The following SLC16A6 variants were observed in gnomAD, a reference collection of about 807,000 sequenced individuals.
The protein encoded by SLC16A6 is solute carrier family 16 member 6.
SLC16A6 carries 15 observed loss-of-function variants against 33.8 expected under a neutral mutation model. The ratio of observed to expected loss-of-function variants is 0.44; its 90% CI spans 0.30 to 0.68. SLC16A6 has a LOEUF of 0.68. SLC16A6 is among the 30% of genes least tolerant of loss of function. The pLI is 0.10. For synonymous variants in SLC16A6, 219 were observed against 248.4 expected (o/e 0.88, Z 1.11); for missense variants, 451 against 661.5 (o/e 0.68, Z 3.49).
chr17:68,276,392 A>AT (rs1248917838), intron 2 of SLC16A6, among the ~76,000 whole-genome samples: 1 of 152,222 alleles, frequency 6.6e-6, no homozygotes, highest in Admixed American at 6.5e-5. Flanking sequence ...TAACAGTTCC[A>AT]TGACAGTGTG....
chr17:68,276,928 G>A (rs551468838), intron 2 of SLC16A6, among the ~76,000 whole-genome samples: 1 of 152,272 alleles, frequency 6.6e-6, no homozygotes, highest in South Asian at 2.1e-4. Context: ...TTTATTTTAT[G>A]CGATTGGGTC....
At chr17:68,276,649 T>C (rs782732300) in intron 2 of SLC16A6, among the ~76,000 whole-genome samples, 1 of 152,152 alleles carries the variant, frequency 6.6e-6, no homozygotes, top group Non-Finnish European at 1.5e-5. Context: ...AGATGGAGTC[T>C]TGCTATGTTG....
intron 4 of SLC16A6, among the ~76,000 whole-genome samples, chr17:68,272,150 C>T (rs2075362760): frequency 6.6e-6 from 1 of 152,084 alleles, no homozygotes; most frequent in Non-Finnish European, 1.5e-5. Context: ...GTTGGCCAGG[C>T]TGGTCTCGAT....
chr17:68,281,141 AG>A (rs1293930202), intron 1 of SLC16A6, among the ~76,000 whole-genome samples: 4 of 151,706 alleles, frequency 2.6e-5, no homozygotes, highest in Non-Finnish European at 4.4e-5. Context: ...AAAAAAAAAA[AG>A]AATGAAAAGA....
At chr17:68,285,046 G>C (rs1467390023) in intron 1 of SLC16A6, among the ~76,000 whole-genome samples, 1 of 152,178 alleles carries the variant, frequency 6.6e-6, no homozygotes, top group African/African-American at 2.4e-5. Flanking sequence ...AAGACCAAGA[G>C]ATGGTCTCTG....
intron 2 of SLC16A6, among the ~76,000 whole-genome samples, chr17:68,274,788 T>C (rs2075458007): frequency 6.6e-6 from 1 of 151,768 alleles, no homozygotes; most frequent in Non-Finnish European, 1.5e-5. Flanking sequence ...TTCTTTCTTT[T>C]TTTTTTTTTG....
At position 68,273,646 on chromosome 17, in the gene SLC16A6, C is replaced by G. The variant is rs117167859; in HGVS notation, c.376+281G>C. On this transcript the variant is annotated intron_variant, in intron 3 of 5. Coordinates refer to ENST00000580666, the MANE Select transcript of SLC16A6 (RefSeq NM_004694.5). ...ATACTGGCTACAGAAATTCGTCTTA[C>G]TTTGTAAAAATGCTATCTTTTGGCT... is the stretch of plus-strand genomic sequence containing the variant. Among the ~76,000 whole-genome samples, 267 of 152,220 alleles carry G rather than the reference C, an allele frequency of 1.8e-3. 10 individuals carry two copies. The East Asian group carries it at 0.043, about 24-fold the overall frequency.
At chr17:68,273,613 T>C (rs1368500596) in intron 3 of SLC16A6, among the ~76,000 whole-genome samples, 2 of 152,184 alleles carry the variant, frequency 1.3e-5, no homozygotes, top group African/African-American at 4.8e-5. Flanking sequence ...CAGACACTGA[T>C]GTGAGAAATA....
rs1555749324 is a variant in SLC16A6 at position 68,272,620 on chromosome 17, G to C, written c.505+19C>G. The C allele has an allele frequency of 6.2e-7, 1 of 1,612,416 alleles. No homozygotes were observed. The highest frequency in any genetic ancestry group is 8.5e-7 in the Non-Finnish European group (1 of 1,178,688). Reference sequence around the variant, plus strand: ...GTCTCTCATCCACATTCATACTTAGGCTGTTGTAGTCCACCTACCTGGTGC... The same window carrying C: ...GTCTCTCATCCACATTCATACTTAGCCTGTTGTAGTCCACCTACCTGGTGC... On this transcript the variant is annotated intron_variant, in intron 4 of 5. Transcript: ENST00000580666.
chr17:68,272,871 A>T, intron 3 of SLC16A6, 104 bp from the exon 4 acceptor site: 1 of 1,388,992 alleles, frequency 7.2e-7, no homozygotes, highest in South Asian at 1.2e-5. Flanking sequence ...TTTGAATCTT[A>T]AGTTCTAGGA....
chr17:68,288,130 G>A (rs2075885969), intron 1 of SLC16A6, among the ~76,000 whole-genome samples: 1 of 151,250 alleles, frequency 6.6e-6, no homozygotes, highest in Non-Finnish European at 1.5e-5. Context: ...CTGAGTAGTT[G>A]GGATTAAAGG....
chr17:68,273,845 T>C, intron 3 of SLC16A6, 82 bp downstream of exon 3: 2 of 1,474,436 alleles, frequency 1.4e-6, no homozygotes, highest in South Asian at 1.2e-5. Context: ...GAAATATAGT[T>C]TGGCTTTAAT....
chr17:68,278,060 G>A lies in SLC16A6; in HGVS notation c.232+29C>T, dbSNP rs369400870. 67 of 1,529,810 alleles carry A rather than the reference G, an allele frequency of 4.4e-5. No homozygotes were observed. In the Admixed American group the frequency reaches 7.6e-4, roughly 17 times the overall value. The allele number at this position is 1,529,810 out of a possible 1,614,324, so 94.8% of individuals were successfully genotyped here. ...CAAATTAAAAGGGCCCTATACTTAC[G>A]TCATGGTTAGGCCGAAAGATGTACT... On this transcript the variant is annotated intron_variant, in intron 2 of 5. Transcript: ENST00000580666.
At chr17:68,273,837 A>G in intron 3 of SLC16A6, 90 bp downstream of exon 3, 3 of 1,445,742 alleles carry the variant, frequency 2.1e-6, no homozygotes, top group Non-Finnish European at 2.8e-6. Flanking sequence ...AAGAGAAAGA[A>G]ATATAGTTTG....
chr17:68,272,548 A>G (rs1465988239), intron 4 of SLC16A6, 91 bp downstream of exon 4: 1 of 1,452,122 alleles, frequency 6.9e-7, no homozygotes, highest in Middle Eastern at 2.3e-4. Flanking sequence ...ACTGAAAGTC[A>G]TCCATACTGT....
At position 68,269,049 on chromosome 17, in the gene SLC16A6, C is replaced by G. The variant is rs1555747480; in HGVS notation, c.*47G>C. 1 of 1,589,718 alleles carries G rather than the reference C, an allele frequency of 6.3e-7. No individual in the cohort carries two copies. On this transcript the variant is annotated 3_prime_UTR_variant, in exon 6 of 6. Coordinates refer to ENST00000580666, the MANE Select transcript of SLC16A6 (RefSeq NM_004694.5). Reference sequence around the variant, plus strand: ...TCCTTGTGTCCCCGTTGGGCCCACCCCATCCCTCTCCAGCCAACACAGTGG... The same window carrying G: ...TCCTTGTGTCCCCGTTGGGCCCACCGCATCCCTCTCCAGCCAACACAGTGG...
chr17:68,273,889 G>A (rs552454733), intron 3 of SLC16A6, 38 bp downstream of exon 3: 1 of 1,599,358 alleles, frequency 6.3e-7, no homozygotes, highest in Non-Finnish European at 8.5e-7. Flanking sequence ...TTCAAACTAA[G>A]TGTCTAGACA....
In SLC16A6 at chr17:68,278,258, T is replaced by A; in HGVS notation, c.63A>T (p.Gly21=). 1 of 1,614,198 alleles carries A rather than the reference T, an allele frequency of 6.2e-7. No homozygotes were observed. The highest frequency in any genetic ancestry group is 8.5e-7 in the Non-Finnish European group (1 of 1,180,022). ...KANVYTEVPD[G]GWGWAVAVSF... ...AAACAGCTACCGCCCAGCCCCATCCTCCATCAGGCACTTCAGTATACACAT... is the reference window on the plus strand; with the variant it reads ...AAACAGCTACCGCCCAGCCCCATCCACCATCAGGCACTTCAGTATACACAT... The change falls in exon 2 of 6, where the codon GGA becomes GGT. Residue 21 remains glycine (G), a synonymous_variant. Transcript: ENST00000580666.
In SLC16A6 at chr17:68,271,276, A is replaced by G; in HGVS notation, c.884T>C (p.Ile295Thr). Residue 295 changes from isoleucine (I) to threonine (T), a missense_variant, in exon 5 of 6, where the codon ATT becomes ACT. Transcript: ENST00000580666. This position sits in a 1 kb window ranked among gnomAD's most constrained non-coding sequence, Gnocchi z 5.3. ...AAAGAGACCAAATAATGCATAACAA[A>G]TAAAACTTTTCTCTTTCAAAATGGA... ...DFSILKEKSF[I>T]CYALFGLFAT... The G allele has an allele frequency of 6.2e-7, 1 of 1,614,224 alleles. No individual in the cohort carries two copies. Among genetic ancestry groups the G allele is most frequent in the Non-Finnish European group, 8.5e-7 (1 of 1,180,040 alleles).
Sources: gnomAD v4.1 joint callset for allele counts (sites outside exome capture counted in the v4.1 genomes callset) on GRCh38, gnomAD v4.1.1 for gene constraint, Gnocchi (gnomAD v3.1) non-coding constraint, MANE v1.5 for transcripts, NCBI Gene and HGNC (gene_info 2026-07-23, HGNC 2026-07-21) for gene names.